ARHGEF38: variants seen among roughly 807,000 people sequenced by gnomAD.
ARHGEF38 encodes Rho guanine nucleotide exchange factor (GEF) 38.
Under a neutral mutation model 79.9 loss-of-function variants are expected in ARHGEF38, and 79 were observed. That is an observed-to-expected ratio of 0.99 (90% confidence interval 0.82 to 1.19). ARHGEF38 has a LOEUF of 1.19. Ranked by LOEUF, ARHGEF38 falls within the 50% of genes most tolerant of loss-of-function variation. The pLI is 0.00. For synonymous variants in ARHGEF38, 366 were observed against 328.3 expected (o/e 1.11, Z -1.24); for missense variants, 962 against 907.2 (o/e 1.06, Z -0.78).
intron 4 of ARHGEF38, among the ~76,000 whole-genome samples, chr4:105,634,386 G>A (rs1194513407): frequency 6.6e-6 from 1 of 152,118 alleles, no homozygotes; most frequent in Non-Finnish European, 1.5e-5. Flanking sequence ...AAATTAGCAA[G>A]TTTTTATTTA....
chr4:105,664,103 A>G (rs767550477), intron 10 of ARHGEF38, among the ~76,000 whole-genome samples: 1 of 152,228 alleles, frequency 6.6e-6, no homozygotes, highest in Non-Finnish European at 1.5e-5. Context: ...CAATGACCAT[A>G]GGTGTGCAAA....
At chr4:105,662,443 T>C (rs1179813190) in intron 10 of ARHGEF38, among the ~76,000 whole-genome samples, 8 of 152,166 alleles carry the variant, frequency 5.3e-5, no homozygotes. Flanking sequence ...TTTTATGACT[T>C]CTAGATTTTG....
rs141345645 is a variant in ARHGEF38, at chr4:105,671,187, A to G, written c.2148+3484A>G. ...GCATCAGGAATATAAATATAAGCAC[A>G]TATAAGCATTATTACTAATAAAACT... On this transcript the variant is annotated intron_variant, in intron 13 of 13. Transcript: ENST00000420470. Among the ~76,000 whole-genome samples, 746 of 152,368 alleles carry G rather than the reference A, an allele frequency of 4.9e-3. 8 individuals carry two copies. Among genetic ancestry groups the G allele is most frequent in the Admixed American group, 9.1e-3 (139 of 15,298 alleles).
intron 3 of ARHGEF38, among the ~76,000 whole-genome samples, chr4:105,627,373 A>G (rs1050789406): frequency 6.6e-6 from 1 of 152,184 alleles, no homozygotes; most frequent in Non-Finnish European, 1.5e-5. Context: ...GGTGTGGCAC[A>G]TGTTGGGGCT....
intron 1 of ARHGEF38, among the ~76,000 whole-genome samples, chr4:105,586,231 T>TAAAAAAAAAAA (rs1560702892): frequency 1.8e-5 from 2 of 110,760 alleles, no homozygotes; most frequent in Non-Finnish European, 1.9e-5. Flanking sequence ...TTTGTTGGTT[T>TAAAAAAAAAAA]AAGAAATGCA....
chr4:105,579,122 T>G (rs1726652224), intron 1 of ARHGEF38, among the ~76,000 whole-genome samples: 1 of 152,204 alleles, frequency 6.6e-6, no homozygotes, highest in African/African-American at 2.4e-5. Context: ...TTGCTGAATT[T>G]GTTCATCAAC....
chr4:105,592,084 C>T (rs1727367945), intron 2 of ARHGEF38, among the ~76,000 whole-genome samples: 1 of 152,104 alleles, frequency 6.6e-6, no homozygotes, highest in Non-Finnish European at 1.5e-5. Context: ...ATGGTACAGT[C>T]CTCCCTGTCA....
At chr4:105,675,797 C>A (rs1405858137) in intron 13 of ARHGEF38, among the ~76,000 whole-genome samples, 1 of 152,176 alleles carries the variant, frequency 6.6e-6, no homozygotes, top group Non-Finnish European at 1.5e-5. Context: ...ATAGATGGCA[C>A]CTTCTCATTG....
chr4:105,561,080 CT>C (rs1725498838), intron 1 of ARHGEF38, among the ~76,000 whole-genome samples: 1 of 152,032 alleles, frequency 6.6e-6, no homozygotes, highest in Non-Finnish European at 1.5e-5. Flanking sequence ...ACTATTTTGT[CT>C]GTCTAAAAGT....
chr4:105,564,457 CA>C (rs1470152350), intron 1 of ARHGEF38, among the ~76,000 whole-genome samples: 1 of 151,880 alleles, frequency 6.6e-6, no homozygotes, highest in East Asian at 1.9e-4. Flanking sequence ...TTCATAGGGA[CA>C]AAAAGTAGAA....
intron 1 of ARHGEF38, among the ~76,000 whole-genome samples, chr4:105,573,843 T>C (rs1726354759): frequency 6.6e-6 from 1 of 152,134 alleles, no homozygotes; most frequent in Non-Finnish European, 1.5e-5. Flanking sequence ...TATCAAGTCT[T>C]TCCGTCCATG....
At chr4:105,609,590 G>T (rs1728198179) in intron 2 of ARHGEF38, among the ~76,000 whole-genome samples, 1 of 151,982 alleles carries the variant, frequency 6.6e-6, no homozygotes, top group Admixed American at 6.6e-5. Flanking sequence ...GTGTTTCATA[G>T]AAATAGAAAG....
chr4:105,649,886 A>G (rs1021674857), intron 7 of ARHGEF38, among the ~76,000 whole-genome samples: 1 of 152,214 alleles, frequency 6.6e-6, no homozygotes. Context: ...AAGTTATCCA[A>G]ACCTGGGTTT....
In ARHGEF38 at chr4:105,659,377, A is replaced by G; in HGVS notation, c.1545+12A>G. ...CCACACTTGTGCCGGTAAGCACAGC[A>G]CCAACACCTAGCTAGCTACCTTGGC... On this transcript the variant is annotated intron_variant, in intron 10 of 13. Transcript: ENST00000420470. 6.5e-7 allele frequency: 1 copy of G among 1,526,898 alleles called. No homozygotes were observed. Among genetic ancestry groups the G allele is most frequent in the Non-Finnish European group, 8.8e-7 (1 of 1,142,042 alleles). The allele number at this position is 1,526,898 out of a possible 1,614,324, so 94.6% of individuals were successfully genotyped here.
rs1431975967 is a variant in ARHGEF38, at chr4:105,659,354, A to G, written c.1534A>G (p.Thr512Ala). The stretch of plus-strand genomic sequence containing the variant: ...GCTCGTGGCACAGCAGGCTTACTCC[A>G]CACTTGTGCCGGTAAGCACAGCACC... ...LMLVAQQAYS[T>A]LVPMPLLVSS... The change falls in exon 10 of 14, where the codon ACA becomes GCA. Residue 512 changes from threonine to alanine, a missense_variant. Coordinates refer to ENST00000420470, the MANE Select transcript of ARHGEF38 (RefSeq NM_001242729.2). 6 of 1,534,338 alleles carry G rather than the reference A, an allele frequency of 3.9e-6. No homozygotes were observed. The highest frequency in any genetic ancestry group is 5.2e-6 in the Non-Finnish European group (6 of 1,146,392).
At chr4:105,642,541 C>CAGTTCTTAACATTTAAAGTTAA (rs1426905806) in intron 5 of ARHGEF38, among the ~76,000 whole-genome samples, 2 of 152,050 alleles carry the variant, frequency 1.3e-5, no homozygotes, top group African/African-American at 4.8e-5. Flanking sequence ...GAAATGAGAG[C>CAGTTCTTAACATTTAAAGTTAA]AGTTCTTAAC....
At chr4:105,640,158 C>A (rs1729559944) in intron 5 of ARHGEF38, among the ~76,000 whole-genome samples, 2 of 152,082 alleles carry the variant, frequency 1.3e-5, no homozygotes, top group South Asian at 4.1e-4. Flanking sequence ...CAAACACACA[C>A]ACAAACGCCT....
rs911170036 is a variant in ARHGEF38, at chr4:105,625,776, T to C, written c.509-5122T>C. Among the ~76,000 whole-genome samples the C allele has an allele frequency of 3.9e-5, 6 of 152,334 alleles. No homozygotes were observed. In the East Asian group the frequency reaches 9.6e-4, roughly 24 times the overall value. Reference sequence around the variant, plus strand: ...TTGGGGCAGCCAAAACTTCCATTTCTTTAGAAGCAGATTATGACCATGGGG... The same window carrying C: ...TTGGGGCAGCCAAAACTTCCATTTCCTTAGAAGCAGATTATGACCATGGGG... On this transcript the variant is annotated intron_variant, in intron 3 of 13. Coordinates refer to ENST00000420470, the MANE Select transcript of ARHGEF38 (RefSeq NM_001242729.2).
At chr4:105,673,315 C>T (rs377422318) in intron 13 of ARHGEF38, among the ~76,000 whole-genome samples, 1 of 152,050 alleles carries the variant, frequency 6.6e-6, no homozygotes, top group African/African-American at 2.4e-5. Flanking sequence ...TGGCACTTCT[C>T]AAAAAGGACT....
Sources: allele counts gnomAD v4.1 joint callset (sites outside exome capture counted in the v4.1 genomes callset), GRCh38; gene constraint gnomAD v4.1.1; transcripts MANE v1.5; gene names NCBI Gene and HGNC (gene_info 2026-07-23, HGNC 2026-07-21).